AFF2: variants seen among roughly 807,000 people sequenced by gnomAD.
The protein encoded by AFF2 is ALF transcription elongation factor 2.
Under a neutral mutation model 76.9 loss-of-function variants are expected in AFF2, and 14 were observed. The ratio of observed to expected loss-of-function variants is 0.18; its 90% confidence interval spans 0.12 to 0.28. AFF2 has a LOEUF of 0.28. Among genes scored for constraint, AFF2 ranks in the 10% least tolerant of loss-of-function variants. AFF2 has a pLI of 1.00. For missense variants in AFF2, 868 were observed against 1,001.1 expected (o/e 0.87, Z 1.79); for synonymous variants, 398 against 366.7 (o/e 1.09, Z -0.98).
intron 7 of AFF2, among the ~76,000 whole-genome samples, chrX:148,875,896 T>G (rs1333755395): frequency 9.0e-6 from 1 of 111,662 alleles, no homozygotes; most frequent in Non-Finnish European, 1.9e-5. Context: ...TATTTGATGA[T>G]ATATAGTTCA....
intron 7 of AFF2, among the ~76,000 whole-genome samples, chrX:148,882,782 G>A (rs1247356967): frequency 8.9e-6 from 1 of 112,089 alleles, no homozygotes; most frequent in Non-Finnish European, 1.9e-5. Context: ...GGATGAAAAT[G>A]CAAACAAGTA....
intron 1 of AFF2, among the ~76,000 whole-genome samples, chrX:148,549,333 T>C (rs782716387): frequency 1.8e-5 from 2 of 112,351 alleles, no homozygotes; most frequent in South Asian, 3.7e-4. Flanking sequence ...CACTAGGAAA[T>C]TTTCGGATAT....
At chrX:148,684,255 T>C (rs1443929735) in intron 3 of AFF2, among the ~76,000 whole-genome samples, 1 of 112,118 alleles carries the variant, frequency 8.9e-6, no homozygotes, top group East Asian at 2.8e-4. Context: ...AATTAATGCA[T>C]ATTATTGGCC....
At chrX:148,823,579 C>T (rs1399593930) in intron 4 of AFF2, among the ~76,000 whole-genome samples, 1 of 111,789 alleles carries the variant, frequency 8.9e-6, no homozygotes, top group East Asian at 2.8e-4. Context: ...CCCCAGATAT[C>T]TCTTCAGATT....
Position 148,809,931 on chromosome X carries a change from A to G in AFF2, c.1086+11A>G. On this transcript the variant is annotated intron_variant, in intron 4 of 20. Transcript: ENST00000370460. ...GAAGAAATCTTGCGGGTGAGTTTAA[A>G]CCTTTATTTTTGTGCCTTTTAATAA... 8.3e-7 allele frequency: 1 copy of G among 1,206,313 alleles called. No individual in the cohort carries two copies. The highest frequency in any genetic ancestry group is 1.1e-6 in the Non-Finnish European group (1 of 891,293).
At chrX:148,648,043 G>T (rs976854347) in intron 1 of AFF2, among the ~76,000 whole-genome samples, 1 of 111,975 alleles carries the variant, frequency 8.9e-6, no homozygotes, top group African/African-American at 3.3e-5. Context: ...ACAAGATAAG[G>T]TTCAAGTGTC....
intron 3 of AFF2, among the ~76,000 whole-genome samples, chrX:148,725,980 C>T (rs188376699): frequency 6.2e-4 from 69 of 111,522 alleles, no homozygotes; most frequent in African/African-American, 2.2e-3. Context: ...TTCCATGTGG[C>T]GATTGTTTAG....
intron 19 of AFF2, among the ~76,000 whole-genome samples, chrX:148,981,832 C>T (rs782200017): frequency 2.7e-5 from 3 of 112,442 alleles, no homozygotes; most frequent in South Asian, 3.7e-4. Flanking sequence ...CCAAAAGCAA[C>T]GGGACAATGA....
chrX:148,860,217 C>A (rs138830025), intron 7 of AFF2, among the ~76,000 whole-genome samples: 1,121 of 111,904 alleles, frequency 0.01, 42 homozygotes, highest in Admixed American at 0.092. Context: ...CGATCAAATA[C>A]GGCCTTGTTC....
chrX:148,682,235 A>G (rs2054558184), intron 3 of AFF2, among the ~76,000 whole-genome samples: 1 of 112,268 alleles, frequency 8.9e-6, no homozygotes, highest in Non-Finnish European at 1.9e-5. Flanking sequence ...TTATGCACAC[A>G]AAAGCCCTTC....
At chrX:148,726,232 G>A (rs147251267) in intron 3 of AFF2, among the ~76,000 whole-genome samples, 114 of 112,127 alleles carry the variant, frequency 1.0e-3, no homozygotes, top group African/African-American at 3.3e-3. Context: ...AGCCACATAC[G>A]TGCAATATTT....
chrX:148,746,877 ATTG>A (rs1301758342), intron 3 of AFF2, among the ~76,000 whole-genome samples: 1 of 112,438 alleles, frequency 8.9e-6, no homozygotes, highest in African/African-American at 3.2e-5. Flanking sequence ...GTAGAAACAG[ATTG>A]TACCAAAGCA....
chrX:148,625,263 G>A (rs1603262002), intron 1 of AFF2, among the ~76,000 whole-genome samples: 2 of 111,428 alleles, frequency 1.8e-5, no homozygotes, highest in East Asian at 5.7e-4. Flanking sequence ...CTGCACATGA[G>A]CTTCCAGAGG....
chrX:148,823,222 A>G (rs1401472323), intron 4 of AFF2, among the ~76,000 whole-genome samples: 1 of 111,479 alleles, frequency 9.0e-6, no homozygotes, highest in Non-Finnish European at 1.9e-5. Flanking sequence ...TGGGATTAAG[A>G]TGAAAACAAT....
At chrX:148,759,371 A>T (rs2069414346) in intron 3 of AFF2, among the ~76,000 whole-genome samples, 1 of 112,348 alleles carries the variant, frequency 8.9e-6, no homozygotes, top group Non-Finnish European at 1.9e-5. Flanking sequence ...TATGTGCATG[A>T]CATTCAGGGT....
intron 4 of AFF2, among the ~76,000 whole-genome samples, chrX:148,812,259 A>T (rs916589323): frequency 1.8e-5 from 2 of 111,317 alleles, no homozygotes; most frequent in Non-Finnish European, 3.8e-5. Flanking sequence ...CTCATTCCCC[A>T]TAAACCCCTT....
At chrX:148,688,300 C>A (rs190878322) in intron 3 of AFF2, among the ~76,000 whole-genome samples, 5 of 111,383 alleles carry the variant, frequency 4.5e-5, no homozygotes, top group Non-Finnish European at 9.4e-5. Flanking sequence ...GTGACCTGGC[C>A]CTTGCTGCCC....
At chrX:148,887,581 G>T (rs1319213090) in intron 8 of AFF2, among the ~76,000 whole-genome samples, 1 of 111,829 alleles carries the variant, frequency 8.9e-6, no homozygotes, top group Non-Finnish European at 1.9e-5. Flanking sequence ...TTGGCAAAGG[G>T]TCTGTTAGCC....
chrX:148,811,966 A>AG (rs2070208015), intron 4 of AFF2, among the ~76,000 whole-genome samples: 1 of 110,696 alleles, frequency 9.0e-6, no homozygotes, highest in Non-Finnish European at 1.9e-5. Flanking sequence ...TTGAAGGGCT[A>AG]TAGATTGTAT....
Sources: gnomAD v4.1 joint callset for allele counts (sites outside exome capture counted in the v4.1 genomes callset) on GRCh38, gnomAD v4.1.1 for gene constraint, MANE v1.5 for transcripts, NCBI Gene and HGNC (gene_info 2026-07-23, HGNC 2026-07-21) for gene names.